The following CIRBP variants were observed in gnomAD, a reference collection of about 807,000 sequenced individuals.
CIRBP encodes the protein cold-inducible RNA-binding protein.
In CIRBP, 11 loss-of-function variants were observed where a neutral mutation model predicts 22.3. The observed-to-expected ratio is 0.49, with a 90% CI of 0.31 to 0.82. The LOEUF is 0.82. Ranked by LOEUF, CIRBP falls within the 40% of genes least tolerant of loss-of-function variation. CIRBP has a pLI of 0.05. For missense variants in CIRBP, 456 were observed against 402.7 expected (o/e 1.13, Z -1.13); for synonymous variants, 216 against 158.8 (o/e 1.36, Z -2.71).
intron 5 of CIRBP, 56 bp from the exon 6 acceptor site, chr19:1,271,925 G>C: frequency 6.7e-7 from 1 of 1,492,060 alleles, no homozygotes; most frequent in Non-Finnish European, 9.2e-7. Flanking sequence ...AGCCTGTTGT[G>C]GCAGAGCAGA....
chr19:1,270,757 C>A, intron 1 of CIRBP, 171 bp from the exon 2 acceptor site: 1 of 602,564 alleles, frequency 1.7e-6, no homozygotes, highest in Non-Finnish European at 3.0e-6. Context: ...AGACACACTG[C>A]CCCCGACCCC....
chr19:1,274,471 C>T lies in CIRBP; in HGVS notation c.*2028C>T, dbSNP rs1276388077. On this transcript the variant is annotated 3_prime_UTR_variant, in exon 6 of 6. Coordinates refer to ENST00000587896, the MANE Select transcript of CIRBP (RefSeq NM_001300829.2). ...TGCTTTCGGGAAGAGTGGCATGTGG[C>T]GCTGAGCCCTGTCCCGGGCGGCACC... The T allele has an allele frequency of 2.0e-5, 8 of 394,174 alleles. No homozygotes were observed. Among genetic ancestry groups the T allele is most frequent in the African/African-American group, 8.2e-5 (4 of 48,528 alleles). 24.4% of individuals were successfully genotyped at this position (394,174 alleles called of 1,614,324 possible).
chr19:1,272,247 A>AG lies in CIRBP; in HGVS notation c.701dup (p.Glu235ArgfsTer10). 1.9e-6 allele frequency: 3 copies of AG among 1,605,892 alleles called. No individual in the cohort carries two copies. The highest frequency in any genetic ancestry group is 2.5e-6 in the Non-Finnish European group (3 of 1,176,772). On this transcript the variant is annotated frameshift_variant, in exon 6 of 6. Coordinates refer to ENST00000587896, the MANE Select transcript of CIRBP (RefSeq NM_001300829.2). LOFTEE classifies it low-confidence loss of function (END_TRUNC). The stretch of plus-strand genomic sequence containing the variant: ...CCAAATGAGACTGACCAAAAAGGCA[A>AG]GGGAGAGCGAGGGCCCGCTGGGCAG...
At position 1,271,043 on chromosome 19, in the gene CIRBP, C is replaced by T. The variant is rs756374908; in HGVS notation, c.103+7C>T. The T allele has an allele frequency of 2.5e-6, 4 of 1,613,320 alleles. No homozygotes were observed. The highest frequency in any genetic ancestry group is 3.4e-6 in the Non-Finnish European group (4 of 1,179,490). On this transcript the variant is annotated splice_region_variant and intron_variant, in intron 2 of 5. Coordinates refer to ENST00000587896, the MANE Select transcript of CIRBP (RefSeq NM_001300829.2). The stretch of plus-strand genomic sequence containing the variant: ...TACGGACAGATCTCTGAAGGTGAGG[C>T]TGCTGCTGGGCCCGCGGCCCTGGGC...
chr19:1,272,361 C>T lies in CIRBP; in HGVS notation c.812C>T (p.Ala271Val), dbSNP rs1470536357. 3 of 1,609,320 alleles carry T rather than the reference C, an allele frequency of 1.9e-6. No homozygotes were observed. The highest frequency in any genetic ancestry group is 2.2e-5 in the East Asian group (1 of 44,844). ...GGCCGCAGGCCGCGCCCTGGTCTGG[C>T]CTCTGGGGTGAAGCTGCCTCTTGTT... ...LPGRRPRPGLASGVKLPLVAS... is the reference protein window; with the variant it reads ...LPGRRPRPGLVSGVKLPLVAS... Residue 271 changes from alanine (A) to valine (V), a missense_variant, in exon 6 of 6, where the codon GCC (alanine) becomes GTC (valine). By Grantham distance (64) the Ala-to-Val change is moderately conservative. Transcript: ENST00000587896.
chr19:1,272,203 C>G lies in CIRBP; in HGVS notation c.654C>G (p.Phe218Leu), dbSNP rs773600819. Residue 218 changes from phenylalanine (F) to leucine (L), a missense_variant, in exon 6 of 6, where the codon TTC becomes TTG. Phe to Leu is a conservative substitution (Grantham distance 22). Coordinates refer to ENST00000587896, the MANE Select transcript of CIRBP (RefSeq NM_001300829.2). ...CGCATCTGTCCTCTCAGAGCCATTT[C>G]TATCGCAGGACGCAAAAGCCAAATG... is the stretch of plus-strand genomic sequence containing the variant. ...EEAHLSSQSH[F>L]YRRTQKPNET... The G allele has an allele frequency of 1.9e-6, 3 of 1,594,438 alleles. No homozygotes were observed. The highest frequency in any genetic ancestry group is 2.6e-6 in the Non-Finnish European group (3 of 1,171,428).
rs373003080 is a variant in CIRBP, at chr19:1,273,636, T to G, written c.*1193T>G. On this transcript the variant is annotated 3_prime_UTR_variant, in exon 6 of 6. Transcript: ENST00000587896. ...CTGCAGCCCTCGGAGGACAGAAGTG[T>G]TGTGCGCCCAACAGAACCCTCTGAG... 7.9e-5 allele frequency: 12 copies of G among 152,176 alleles called. No homozygotes were observed. Among genetic ancestry groups the G allele is most frequent in the South Asian group, 2.1e-4 (1 of 4,830 alleles). 9.4% of individuals were successfully genotyped at this position (152,176 alleles called of 1,614,324 possible). A position where few individuals can be genotyped will look rare whatever the true frequency, so the allele number is the denominator to read the frequency against.
rs759175498 is a variant in CIRBP, at chr19:1,271,602, G to T, written c.401G>T (p.Gly134Val). 1.3e-6 allele frequency: 2 copies of T among 1,560,726 alleles called. No individual in the cohort carries two copies. Among genetic ancestry groups the T allele is most frequent in the Admixed American group, 4.0e-5 (2 of 49,628 alleles). The part of the protein sequence containing the change: ...GGNRFESRSG[G>V]YGGSRDYYSS... ...AACCGGTTCGAGTCCAGGAGTGGGG[G>T]CTACGGAGGCTCCAGAGACTACTAT... The change falls in exon 5 of 6, where the codon GGC (glycine) becomes GTC (valine). Residue 134 changes from glycine to valine, a missense_variant. Coordinates refer to ENST00000587896, the MANE Select transcript of CIRBP (RefSeq NM_001300829.2).
At chr19:1,269,769 G>A (rs1230160888) in intron 1 of CIRBP, 8 of 461,174 alleles carry the variant, frequency 1.7e-5, no homozygotes, top group East Asian at 1.2e-4. Flanking sequence ...CGGTCTCCAG[G>A]GCCGCTTTCC....
chr19:1,271,708 G>T, intron 5 of CIRBP, 76 bp downstream of exon 5: 2 of 992,758 alleles, frequency 2.0e-6, no homozygotes, highest in East Asian at 2.5e-5. Flanking sequence ...AGGTCCCTGG[G>T]GGAGCTGAGA....
Position 1,274,659 on chromosome 19 carries a change from G to A in CIRBP, c.*2216G>A, listed in dbSNP as rs1056589105. ...TCCTCCTCCTTCCAGGAGGCGCTTC[G>A]CCAGTGAGGTGCGGGCTCAGGGCCT... On this transcript the variant is annotated 3_prime_UTR_variant, in exon 6 of 6. Coordinates refer to ENST00000587896, the MANE Select transcript of CIRBP (RefSeq NM_001300829.2). The A allele has an allele frequency of 4.6e-6, 1 of 217,834 alleles. No individual in the cohort carries two copies. The highest frequency in any genetic ancestry group is 2.3e-5 in the African/African-American group (1 of 43,958). The allele number at this position is 217,834 out of a possible 1,614,324, so 13.5% of individuals were successfully genotyped here.
At chr19:1,271,079 G>A in intron 2 of CIRBP, 43 bp downstream of exon 2, 1 of 1,610,394 alleles carries the variant, frequency 6.2e-7, no homozygotes, top group South Asian at 1.1e-5. Context: ...GGGGGGGCTT[G>A]TGCTCCTCCT....
chr19:1,271,020 C>T lies in CIRBP; in HGVS notation c.87C>T (p.Tyr29=), dbSNP rs767659188. 44 of 1,613,808 alleles carry T rather than the reference C, an allele frequency of 2.7e-5. No homozygotes were observed. Among genetic ancestry groups the T allele is most frequent in the East Asian group, 8.9e-5 (4 of 44,900 alleles). Reference sequence around the variant, plus strand: ...CGCTGGAGCAGGTCTTCTCAAAGTACGGACAGATCTCTGAAGGTGAGGCTG... The same window carrying T: ...CGCTGGAGCAGGTCTTCTCAAAGTATGGACAGATCTCTGAAGGTGAGGCTG... ...EQSLEQVFSK[Y]GQISEVVVVK... The change falls in exon 2 of 6, where the codon TAC becomes TAT. Residue 29 remains tyrosine, a synonymous_variant. Transcript: ENST00000587896.
At position 1,272,115 on chromosome 19, in the gene CIRBP, T is replaced by C. The variant is rs780207074; in HGVS notation, c.566T>C (p.Val189Ala). The C allele has an allele frequency of 1.2e-6, 2 of 1,613,852 alleles. No individual in the cohort carries two copies. The highest frequency in any genetic ancestry group is 1.7e-6 in the Non-Finnish European group (2 of 1,179,998). Residue 189 changes from valine to alanine, a missense_variant, in exon 6 of 6, where the codon GTG becomes GCG. Physicochemically the swap from Val to Ala is moderately conservative, Grantham distance 64. Transcript: ENST00000587896. ...WPAVGARFTL[V>A]PSPSTLGWTL... Reference sequence around the variant, plus strand: ...GCGGTGGGAGCTCGGTTCACCTTGGTGCCCTCTCCAAGCACTTTAGGCTGG... The same window carrying C: ...GCGGTGGGAGCTCGGTTCACCTTGGCGCCCTCTCCAAGCACTTTAGGCTGG...
At chr19:1,270,155 C>T (rs372459987) in intron 1 of CIRBP, 8 of 511,092 alleles carry the variant, frequency 1.6e-5, no homozygotes, top group African/African-American at 1.2e-4. Context: ...TCCCGATTCC[C>T]GGCCTAGGTC....
At position 1,272,709 on chromosome 19, in the gene CIRBP, ATG is replaced by A; in HGVS notation, c.*267_*268del. On this transcript the variant is annotated 3_prime_UTR_variant, in exon 6 of 6. Coordinates refer to ENST00000587896, the MANE Select transcript of CIRBP (RefSeq NM_001300829.2). ...GCATTTACTTTTTTGACCACGAGCC[ATG>A]AGTTTTCAAAAAAATCGGGGGTTGT... 3.0e-6 allele frequency: 1 copy of A among 338,012 alleles called. No homozygotes were observed. Among genetic ancestry groups the A allele is most frequent in the Non-Finnish European group, 5.4e-6 (1 of 186,058 alleles). 20.9% of individuals were successfully genotyped at this position (338,012 alleles called of 1,614,324 possible). A position where few individuals can be genotyped will look rare whatever the true frequency, so the allele number is the denominator to read the frequency against.
Position 1,271,419 on chromosome 19 carries a change from C to T in CIRBP, c.301C>T (p.Arg101Trp), listed in dbSNP as rs748062604. 44 of 1,613,250 alleles carry T rather than the reference C, an allele frequency of 2.7e-5. No homozygotes were observed. The highest frequency in any genetic ancestry group is 3.6e-5 in the Non-Finnish European group (42 of 1,179,778). ...RGYRGGSAGG[R>W]GFFRGGRGRG... ...GTACCGTGGTGGCTCTGCCGGGGGC[C>T]GGGGCTTCTTCCGTGGGGGCCGAGG... Residue 101 changes from arginine (R) to tryptophan (W), a missense_variant, in exon 4 of 6, where the codon CGG becomes TGG. This residue lies in a region of CIRBP where 426 missense variants were observed against 339.6 expected (regional missense o/e 1.25). Transcript: ENST00000587896.
chr19:1,270,775 T>A (rs1600019587), intron 1 of CIRBP, 153 bp from the exon 2 acceptor site: 1 of 664,042 alleles, frequency 1.5e-6, no homozygotes, highest in East Asian at 2.6e-5. Flanking sequence ...CCCAAAAAAA[T>A]AAGTCCTAGG....
In CIRBP at chr19:1,273,811, C is replaced by G. The variant is rs947839408; in HGVS notation, c.*1368C>G. 1 of 149,168 alleles carries G rather than the reference C, an allele frequency of 6.7e-6. No individual in the cohort carries two copies. Among genetic ancestry groups the G allele is most frequent in the African/African-American group, 2.5e-5 (1 of 40,444 alleles). 9.2% of individuals were successfully genotyped at this position (149,168 alleles called of 1,614,324 possible). On this transcript the variant is annotated 3_prime_UTR_variant, in exon 6 of 6. Coordinates refer to ENST00000587896, the MANE Select transcript of CIRBP (RefSeq NM_001300829.2). The stretch of plus-strand genomic sequence containing the variant: ...TTCCTGTGACTGTTTTTTGTTTTTC[C>G]TTTTTTTTTTAACTTTGTTTTTGTT...
Sources: allele counts gnomAD v4.1 joint callset, GRCh38; gene constraint gnomAD v4.1.1; regional missense constraint gnomAD v4.1.1; transcripts MANE v1.5; gene names NCBI Gene and HGNC (gene_info 2026-07-23, HGNC 2026-07-21).